Variants in SATB1 observed in about 807,000 individuals in gnomAD.
SATB1 encodes the protein SATB homeobox 1.
In SATB1, 11 loss-of-function variants were observed where a neutral mutation model predicts 86.9. The ratio of observed to expected loss-of-function variants is 0.13; its 90% confidence interval spans 0.08 to 0.21. The LOEUF is 0.21. Ranked by LOEUF, SATB1 falls within the 10% of genes least tolerant of loss-of-function variation. The pLI, the probability that SATB1 is intolerant of heterozygous loss-of-function variation, is 1.00. For synonymous variants in SATB1, 357 were observed against 357.2 expected, an observed-to-expected ratio of 1.00 and a Z score of 0.01; for missense variants, 551 against 937.6, an observed-to-expected ratio of 0.59 and a Z score of 5.39.
Position 18,349,107 on chromosome 3 carries a change from G to A in SATB1, c.*63C>T. 6.4e-7 allele frequency: 1 copy of A among 1,556,736 alleles called. No individual in the cohort carries two copies. The highest frequency in any genetic ancestry group is 8.7e-7 in the Non-Finnish European group (1 of 1,153,284). ...CAAAGGTTTTCTGAGAGAAGACAAGGTGGACTTTTCATTTTGTTAGTAAAT... is the reference window on the plus strand; with the variant it reads ...CAAAGGTTTTCTGAGAGAAGACAAGATGGACTTTTCATTTTGTTAGTAAAT... On this transcript the variant is annotated 3_prime_UTR_variant, in exon 11 of 11. Transcript: ENST00000338745. This position sits in a 1 kb window ranked among gnomAD's most constrained non-coding sequence, Gnocchi z 5.5.
intron 9 of SATB1, among the ~76,000 whole-genome samples, chr3:18,367,991 A>G (rs1695271299): frequency 2.0e-5 from 3 of 152,206 alleles, no homozygotes; most frequent in Admixed American, 2.0e-4. Flanking sequence ...AGGGTTATTA[A>G]AGCAAGGGCA....
In SATB1 at chr3:18,355,493, A is replaced by C. The variant is rs1353928433; in HGVS notation, c.1576-3298T>G. The stretch of plus-strand genomic sequence containing the variant: ...ACAAGTGATATTGTTAGAACAAATA[A>C]ACTTGGGAAGAAAATGAATATGTCA... On this transcript the variant is annotated intron_variant, in intron 9 of 10. Transcript: ENST00000338745. 1.3e-5 allele frequency among the ~76,000 whole-genome samples: 2 copies of C among 152,048 alleles called. 1 individual carries two copies. The highest frequency in any genetic ancestry group is 2.9e-5 in the Non-Finnish European group (2 of 67,914).
chr3:18,433,982 T>C (rs1038338673), intron 2 of SATB1, among the ~76,000 whole-genome samples: 5 of 152,118 alleles, frequency 3.3e-5, no homozygotes, highest in African/African-American at 1.2e-4. Context: ...TCATTTGTGT[T>C]ATTTAATACA....
At chr3:18,405,446 G>C (rs1023944320) in intron 5 of SATB1, among the ~76,000 whole-genome samples, 3 of 151,880 alleles carry the variant, frequency 2.0e-5, no homozygotes, top group Non-Finnish European at 2.9e-5. Flanking sequence ...TTAAACCACA[G>C]AGCGAAAACA....
intron 5 of SATB1, among the ~76,000 whole-genome samples, chr3:18,407,445 T>G (rs983779061): frequency 1.3e-5 from 2 of 152,050 alleles, no homozygotes; most frequent in African/African-American, 4.8e-5. Context: ...CCATGTGGCA[T>G]GCACAAGTGT....
intron 5 of SATB1, among the ~76,000 whole-genome samples, chr3:18,401,467 C>T (rs1697262555): frequency 6.6e-6 from 1 of 151,898 alleles, no homozygotes; most frequent in Admixed American, 6.6e-5. Flanking sequence ...TATGTTATTC[C>T]AGTTCTCTCT....
At chr3:18,434,637 A>G (rs1699000508) in intron 2 of SATB1, among the ~76,000 whole-genome samples, 1 of 151,926 alleles carries the variant, frequency 6.6e-6, no homozygotes, top group Admixed American at 6.6e-5. Context: ...CTTGCTTCTT[A>G]CTCTACTCAC....
chr3:18,353,490 A>G (rs1471847296), intron 9 of SATB1, among the ~76,000 whole-genome samples: 1 of 152,048 alleles, frequency 6.6e-6, no homozygotes, highest in African/African-American at 2.4e-5. Flanking sequence ...AGACAAAGAC[A>G]TTTCTCGGAA....
chr3:18,445,133 C>A, intron 1 of SATB1: 2 of 820,162 alleles, frequency 2.4e-6, no homozygotes, highest in Non-Finnish European at 2.9e-6. Context: ...CGCGTAGCCG[C>A]CGCTTCGGAG....
In SATB1 at chr3:18,394,947, A is replaced by T. The variant is rs1436649725; in HGVS notation, c.752-31T>A. On this transcript the variant is annotated intron_variant, in intron 6 of 10. Coordinates refer to ENST00000338745, the MANE Select transcript of SATB1 (RefSeq NM_002971.6). This position sits in a 1 kb window ranked among gnomAD's most constrained non-coding sequence, Gnocchi z 5.9. Reference sequence around the variant, plus strand: ...GTGGACAAAGAGTAAAATCACATTCAGCCAACAATGATTGGCATTGATAAA... The same window carrying T: ...GTGGACAAAGAGTAAAATCACATTCTGCCAACAATGATTGGCATTGATAAA... 6.8e-7 allele frequency: 1 copy of T among 1,477,726 alleles called. No individual in the cohort carries two copies. Among genetic ancestry groups the T allele is most frequent in the Non-Finnish European group, 9.1e-7 (1 of 1,097,020 alleles). 91.5% of individuals were successfully genotyped at this position (1,477,726 alleles called of 1,614,324 possible).
intron 5 of SATB1, among the ~76,000 whole-genome samples, chr3:18,411,400 T>C (rs558739279): frequency 3.5e-4 from 53 of 152,114 alleles, no homozygotes; most frequent in Non-Finnish European, 6.9e-4. Flanking sequence ...GACATTACGC[T>C]GGTAGAAGTA....
At chr3:18,423,247 G>A (rs1331805344) in intron 1 of SATB1, among the ~76,000 whole-genome samples, 1 of 152,120 alleles carries the variant, frequency 6.6e-6, no homozygotes, top group Non-Finnish European at 1.5e-5. Context: ...CAGAAAGCAA[G>A]CTACTTTCTG....
Position 18,444,406 on chromosome 3 carries a change from C to G in SATB1, c.-25+1112G>C, listed in dbSNP as rs1273341688. 1.3e-5 allele frequency among the ~76,000 whole-genome samples: 2 copies of G among 152,044 alleles called. No homozygotes were observed. Among genetic ancestry groups the G allele is most frequent in the Non-Finnish European group, 2.9e-5 (2 of 68,008 alleles). ...CTCTCCCCTACTCTACCAGCCCACC[C>G]CTCCAAGGTCCGTCTGCGTGAGAAA... On this transcript the variant is annotated intron_variant, in intron 1 of 3. Transcript: ENST00000415069. This position sits in a 1 kb window ranked among gnomAD's most constrained non-coding sequence, Gnocchi z 5.1.
At chr3:18,360,693 G>T (rs1255958019) in intron 9 of SATB1, among the ~76,000 whole-genome samples, 1 of 151,986 alleles carries the variant, frequency 6.6e-6, no homozygotes, top group Non-Finnish European at 1.5e-5. Context: ...GATAATAATG[G>T]TATTAATCTC....
chr3:18,411,439 T>C (rs1407644432), intron 5 of SATB1, among the ~76,000 whole-genome samples: 1 of 152,118 alleles, frequency 6.6e-6, no homozygotes, highest in Admixed American at 6.6e-5. Flanking sequence ...ACAAAATGAA[T>C]CTACCCTGTA....
chr3:18,371,221 T>C (rs184935143), intron 9 of SATB1, among the ~76,000 whole-genome samples: 8 of 152,216 alleles, frequency 5.3e-5, no homozygotes, highest in Non-Finnish European at 8.8e-5. Flanking sequence ...CAAAGGAGAA[T>C]AGATTTTCTA....
chr3:18,443,048 G>T (rs1310528964), upstream of SATB1, among the ~76,000 whole-genome samples: 3 of 152,132 alleles, frequency 2.0e-5, no homozygotes, highest in Admixed American at 6.5e-5. The surrounding 1 kb of genome is among the most constrained non-coding windows in gnomAD (Gnocchi z 4.4). Context: ...TTTTGTTTTT[G>T]ATTTTTGCAG....
At chr3:18,363,223 C>A (rs554547835) in intron 9 of SATB1, among the ~76,000 whole-genome samples, 2 of 152,070 alleles carry the variant, frequency 1.3e-5, no homozygotes, top group Middle Eastern at 3.2e-3. Flanking sequence ...CTAAGAGGAA[C>A]AAGCAAGCAG....
chr3:18,400,404 G>A (rs1447377100), intron 5 of SATB1, among the ~76,000 whole-genome samples: 1 of 152,168 alleles, frequency 6.6e-6, no homozygotes, highest in African/African-American at 2.4e-5. Context: ...CACACTGGTA[G>A]TATGACCTTG....
Sources: allele counts gnomAD v4.1 joint callset (sites outside exome capture counted in the v4.1 genomes callset), GRCh38; gene constraint gnomAD v4.1.1; non-coding constraint Gnocchi (gnomAD v3.1); transcripts MANE v1.5; gene names NCBI Gene and HGNC (gene_info 2026-07-23, HGNC 2026-07-21).